Variants in ZFHX3 observed in about 807,000 individuals in gnomAD.
ZFHX3 encodes zinc finger homeobox protein 3.
ZFHX3 carries 42 observed loss-of-function variants against 279.1 expected under a neutral mutation model. The ratio of observed to expected loss-of-function variants is 0.15; its 90% CI spans 0.12 to 0.19. The LOEUF is 0.19. ZFHX3 is among the 10% of genes least tolerant of loss of function. The pLI, the probability that ZFHX3 is intolerant of heterozygous loss-of-function variation, is 1.00. For missense variants in ZFHX3, 4,981 were observed against 4,754.0 expected, an observed-to-expected ratio of 1.05 and a Z score of -1.40; for synonymous variants, 2,293 against 1,957.8, an observed-to-expected ratio of 1.17 and a Z score of -4.52.
rs1045927025 is a variant in ZFHX3 at position 73,003,527 on chromosome 16, C to T, written c.-49-43333G>A. 6.4e-5 allele frequency among the ~76,000 whole-genome samples: 9 copies of T among 140,380 alleles called. 1 individual carries two copies. The highest frequency in any genetic ancestry group is 1.2e-4 in the Non-Finnish European group (8 of 65,520). 92.1% of individuals were successfully genotyped at this position (140,380 alleles called of 152,430 possible). ...ACATGGTGAGACCCCCCCCTCCCCA[C>T]CCCGCCCCATCTCTTAAAAAAAAAA... On this transcript the variant is annotated intron_variant, in intron 1 of 9. Coordinates refer to ENST00000268489, the MANE Select transcript of ZFHX3 (RefSeq NM_006885.4).
At chr16:73,214,843 C>CAT (rs781227170) in intron 5 of ZFHX3, among the ~76,000 whole-genome samples, 153 of 79,258 alleles carry the variant, frequency 1.9e-3, no homozygotes, top group Admixed American at 4.8e-3. Flanking sequence ...TGCTGAAGGC[C>CAT]TTTTTTTTTT....
At chr16:73,695,000 C>T (rs1172114061) in intron 1 of ZFHX3, among the ~76,000 whole-genome samples, 1 of 152,220 alleles carries the variant, frequency 6.6e-6, no homozygotes, top group Non-Finnish European at 1.5e-5. Context: ...GTGTGGCTAA[C>T]TCCAAGCCAG....
At chr16:73,264,748 CCT>C (rs1378435029) in intron 4 of ZFHX3, among the ~76,000 whole-genome samples, 1 of 152,010 alleles carries the variant, frequency 6.6e-6, no homozygotes, top group African/African-American at 2.4e-5. Flanking sequence ...AAGCTTTCCC[CCT>C]GAGTCCCCAA....
chr16:73,535,830 C>T (rs1300120238), intron 2 of ZFHX3, among the ~76,000 whole-genome samples: 1 of 150,750 alleles, frequency 6.6e-6, no homozygotes, highest in Non-Finnish European at 1.5e-5. Flanking sequence ...TCAAGCGATT[C>T]TCCTGTCTCA....
chr16:73,392,069 G>C (rs2017024079), intron 3 of ZFHX3, among the ~76,000 whole-genome samples: 1 of 151,954 alleles, frequency 6.6e-6, no homozygotes, highest in East Asian at 1.9e-4. Context: ...AAGAGAGCTG[G>C]GCCCTCATTT....
chr16:73,574,612 CA>C (rs908252525), intron 2 of ZFHX3, among the ~76,000 whole-genome samples: 1 of 152,166 alleles, frequency 6.6e-6, no homozygotes, highest in Non-Finnish European at 1.5e-5. Context: ...GCGGCAGTGA[CA>C]ATGGGTGAAG....
At chr16:73,702,649 G>A (rs970057080) in intron 1 of ZFHX3, among the ~76,000 whole-genome samples, 8 of 152,258 alleles carry the variant, frequency 5.3e-5, no homozygotes, top group Non-Finnish European at 1.2e-4. Flanking sequence ...AGGATTCCTC[G>A]TTATATGTGG....
chr16:73,714,727 T>C (rs2053398048), intron 1 of ZFHX3, among the ~76,000 whole-genome samples: 1 of 152,208 alleles, frequency 6.6e-6, no homozygotes, highest in Non-Finnish European at 1.5e-5. Flanking sequence ...ACGATTATTT[T>C]TGATGTTTTC....
chr16:73,485,279 T>C (rs2018952606), intron 2 of ZFHX3, among the ~76,000 whole-genome samples: 1 of 152,138 alleles, frequency 6.6e-6, no homozygotes, highest in Non-Finnish European at 1.5e-5. Flanking sequence ...CTGGTTTCTT[T>C]CCTTTGTGTA....
chr16:73,541,218 A>T (rs1258591304), intron 2 of ZFHX3, among the ~76,000 whole-genome samples: 1 of 152,088 alleles, frequency 6.6e-6, no homozygotes, highest in East Asian at 1.9e-4. Flanking sequence ...GAAGTATTAA[A>T]CACATGCTAT....
chr16:72,910,521 T>C (rs2039291033), intron 3 of ZFHX3, among the ~76,000 whole-genome samples: 2 of 152,174 alleles, frequency 1.3e-5, no homozygotes, highest in South Asian at 4.1e-4. Context: ...CCTGCGTAGA[T>C]TTCAAAGGGT....
intron 1 of ZFHX3, among the ~76,000 whole-genome samples, chr16:73,718,580 G>A (rs895929009): frequency 1.3e-5 from 2 of 151,556 alleles, no homozygotes; most frequent in Non-Finnish European, 2.9e-5. Context: ...ACCATGAGCT[G>A]AATCATGTTT....
chr16:73,365,458 G>T (rs981902957), intron 3 of ZFHX3, among the ~76,000 whole-genome samples: 5 of 152,174 alleles, frequency 3.3e-5, no homozygotes, highest in Non-Finnish European at 7.3e-5. Context: ...TTTATGACTT[G>T]CTAGCGATGG....
chr16:72,786,999 T>C lies in ZFHX3; in HGVS notation c.*165A>G, dbSNP rs1597219714. On this transcript the variant is annotated 3_prime_UTR_variant, in exon 10 of 10. Coordinates refer to ENST00000268489, the MANE Select transcript of ZFHX3 (RefSeq NM_006885.4). ...AAGAATGTAAAATCACCGGCATAGA[T>C]AGGTATATGGGAAAACAACCCACGC... 2 of 565,680 alleles carry C rather than the reference T, an allele frequency of 3.5e-6. No individual in the cohort carries two copies. Among genetic ancestry groups the C allele is most frequent in the Non-Finnish European group, 2.6e-6 (1 of 390,224 alleles). 35.0% of individuals were successfully genotyped at this position (565,680 alleles called of 1,614,324 possible).
chr16:73,677,851 C>G (rs2052970276), intron 2 of ZFHX3, among the ~76,000 whole-genome samples: 1 of 151,836 alleles, frequency 6.6e-6, no homozygotes, highest in Non-Finnish European at 1.5e-5. Context: ...AAATAAAATA[C>G]TCTTGTGACT....
At chr16:72,914,215 C>T (rs559011766) in intron 3 of ZFHX3, among the ~76,000 whole-genome samples, 5 of 152,270 alleles carry the variant, frequency 3.3e-5, no homozygotes, top group Admixed American at 6.5e-5. Context: ...TGAGTGACAG[C>T]GCTAAGGAGG....
At chr16:73,818,885 C>A (rs28550509) in intron 1 of ZFHX3, among the ~76,000 whole-genome samples, 4,241 of 152,200 alleles carry the variant, frequency 0.028, 202 homozygotes, top group African/African-American at 0.094. Flanking sequence ...CAATGACAAC[C>A]ACACAAACAA....
At chr16:72,946,016 T>C (rs1225386719) in intron 3 of ZFHX3, among the ~76,000 whole-genome samples, 1 of 152,238 alleles carries the variant, frequency 6.6e-6, no homozygotes, top group East Asian at 1.9e-4. Context: ...TACCATACGA[T>C]GATTTTATAG....
chr16:73,311,539 G>C (rs1431271798), intron 4 of ZFHX3, among the ~76,000 whole-genome samples: 2 of 144,296 alleles, frequency 1.4e-5, no homozygotes, highest in African/African-American at 5.1e-5. Flanking sequence ...GCAGTGAGCT[G>C]AGATTATGCC....
Sources: gnomAD v4.1 joint callset for allele counts (sites outside exome capture counted in the v4.1 genomes callset) on GRCh38, gnomAD v4.1.1 for gene constraint, MANE v1.5 for transcripts, NCBI Gene and HGNC (gene_info 2026-07-23, HGNC 2026-07-21) for gene names.